The following DDX11 variants were observed in gnomAD, a reference collection of about 807,000 sequenced individuals.
The protein encoded by DDX11 is DEAD/H-box helicase 11, also known as ATP-dependent DNA helicase DDX11.
A neutral mutation model predicts 125.2 loss-of-function variants in DDX11; 72 were observed. The observed-to-expected ratio is 0.58, with a 90% CI of 0.48 to 0.70. The LOEUF (loss-of-function observed/expected upper bound fraction) is 0.70, where lower values mean the gene tolerates loss of function less well. Ranked by LOEUF, DDX11 falls within the 30% of genes least tolerant of loss-of-function variation. The pLI is 0.00. For synonymous variants in DDX11, 347 were observed against 452.6 expected, an observed-to-expected ratio of 0.77 and a Z score of 2.96; for missense variants, 883 against 1,165.0, an observed-to-expected ratio of 0.76 and a Z score of 3.52.
At chr12:31,088,934 G>A in intron 6 of DDX11, 110 bp from the exon 7 acceptor site, 1 of 863,592 alleles carries the variant, frequency 1.2e-6, no homozygotes, top group Non-Finnish European at 1.9e-6. Context: ...TGTGCATTGG[G>A]AGCCACTCCC....
At chr12:31,081,038 C>T (rs1180581129) in intron 2 of DDX11, among the ~76,000 whole-genome samples, 2 of 152,184 alleles carry the variant, frequency 1.3e-5, no homozygotes, top group Admixed American at 1.3e-4. Context: ...AGCCACTGTA[C>T]CTGACCCCTT....
chr12:31,077,954 A>G (rs1941023406), intron 1 of DDX11: 1 of 337,196 alleles, frequency 3.0e-6, no homozygotes. Context: ...GGACTTCACA[A>G]CGGGATAAAG....
chr12:31,104,166 C>T lies in DDX11; in HGVS notation c.*330C>T, dbSNP rs1946882907. On this transcript the variant is annotated 3_prime_UTR_variant, in exon 27 of 27. Coordinates refer to ENST00000542838, the MANE Select transcript of DDX11 (RefSeq NM_030653.4). Reference sequence around the variant, plus strand: ...CCGCAGGAGGCTGTGGCAGCTGTGGCATCCACTGTGGCATCTCCGTCCTGC... The same window carrying T: ...CCGCAGGAGGCTGTGGCAGCTGTGGTATCCACTGTGGCATCTCCGTCCTGC... 9.1e-6 allele frequency: 13 copies of T among 1,429,224 alleles called. No homozygotes were observed. The highest frequency in any genetic ancestry group is 1.5e-5 in the South Asian group (1 of 67,274). 88.5% of individuals were successfully genotyped at this position (1,429,224 alleles called of 1,614,324 possible). A position where few individuals can be genotyped will look rare whatever the true frequency, so the allele number is the denominator to read the frequency against.
At chr12:31,090,138 G>A (rs751894145) in intron 9 of DDX11, 44 bp downstream of exon 9, 67 of 1,547,032 alleles carry the variant, frequency 4.3e-5, no homozygotes, top group Non-Finnish European at 5.7e-5. Context: ...GACTCTCACT[G>A]TGGTCTAGGC....
chr12:31,080,457 C>T (rs1050816537), intron 2 of DDX11, among the ~76,000 whole-genome samples: 6 of 152,216 alleles, frequency 3.9e-5, no homozygotes, highest in Admixed American at 6.5e-5. Flanking sequence ...GCAGGGATTG[C>T]AACCTGAGAA....
chr12:31,095,596 C>G (rs565626402), intron 14 of DDX11, among the ~76,000 whole-genome samples: 5 of 152,330 alleles, frequency 3.3e-5, no homozygotes, highest in African/African-American at 1.2e-4. Context: ...GCCGCCATCC[C>G]TGCCAGACAG....
At chr12:31,084,711 G>A (rs1360300992) in intron 4 of DDX11, 42 bp downstream of exon 4, 3 of 1,553,220 alleles carry the variant, frequency 1.9e-6, no homozygotes, top group Non-Finnish European at 2.6e-6. Flanking sequence ...GTCCAGGCAG[G>A]GTTGCTCTGC....
In DDX11 at chr12:31,090,175, A is replaced by G. The variant is rs1358739336; in HGVS notation, c.1089+81A>G. The G allele has an allele frequency of 8.8e-6, 11 of 1,251,586 alleles. No individual in the cohort carries two copies. The East Asian group carries it at 1.3e-4, about 14-fold the overall frequency. 77.5% of individuals were successfully genotyped at this position (1,251,586 alleles called of 1,614,324 possible). On this transcript the variant is annotated intron_variant, in intron 9 of 26. Transcript: ENST00000542838. ...ATGAGGGGGGTCCTCATCACACTGT[A>G]GTTTGGGGGATGCCCCCCACCGTGG...
chr12:31,086,846 G>GA (rs1268326571), intron 5 of DDX11, among the ~76,000 whole-genome samples: 1 of 137,104 alleles, frequency 7.3e-6, no homozygotes, highest in Non-Finnish European at 1.5e-5. Flanking sequence ...AGCTCCTGCT[G>GA]GCTTTGTCCA....
intron 14 of DDX11, among the ~76,000 whole-genome samples, chr12:31,095,311 C>A: frequency 6.6e-6 from 1 of 152,218 alleles, no homozygotes. Flanking sequence ...CCCCCGGGTA[C>A]AGGGTTCTGC....
chr12:31,092,660 T>C (rs1944440624), intron 10 of DDX11, among the ~76,000 whole-genome samples, 186 bp from the exon 11 acceptor site: 1 of 152,182 alleles, frequency 6.6e-6, no homozygotes, highest in African/African-American at 2.4e-5. Flanking sequence ...CTTCCTTCCC[T>C]TTTCTCTTAG....
In DDX11 at chr12:31,102,282, G is replaced by A. The variant is rs752317707; in HGVS notation, c.2242G>A (p.Val748Met). 1.7e-5 allele frequency: 28 copies of A among 1,614,192 alleles called. 1 individual carries two copies. In the South Asian group the frequency reaches 2.0e-4, roughly 11 times the overall value. ...EPKSAHQVEQ[V>M]LLAYSRCIQA... ...TAAGAGCGCACACCAGGTGGAGCAG[G>A]TGCTGCTGGCATATTCCAGGTGCAT... Residue 748 changes from valine (V) to methionine (M), a missense_variant, in exon 22 of 27, where the codon GTG becomes ATG. Val to Met is a conservative substitution (Grantham distance 21, BLOSUM62 1). This residue lies in a region of DDX11 where 285 missense variants were observed against 346.0 expected (regional missense o/e 0.82). Coordinates refer to ENST00000542838, the MANE Select transcript of DDX11 (RefSeq NM_030653.4).
intron 2 of DDX11, among the ~76,000 whole-genome samples, chr12:31,081,474 C>T (rs1433815605): frequency 6.6e-6 from 1 of 152,014 alleles, no homozygotes; most frequent in Non-Finnish European, 1.5e-5. Context: ...GTTGAGTCAC[C>T]ATTACCACTT....
Position 31,103,355 on chromosome 12 carries a change from G to T in DDX11, c.2496G>T (p.Leu832=). 1 of 1,611,106 alleles carries T rather than the reference G, an allele frequency of 6.2e-7. No homozygotes were observed. The highest frequency in any genetic ancestry group is 8.5e-7 in the Non-Finnish European group (1 of 1,179,566). Residue 832 remains leucine, a synonymous_variant, in exon 25 of 27, where the codon CTG becomes CTT. Transcript: ENST00000542838. ...GCCAGGCACCCCCAGGGAAGGCTCT[G>T]GTGGAGAACCTGTGCATGAAGGCCG... ...APGQAPPGKA[L]VENLCMKAVN...
chr12:31,085,737 G>A (rs1369682416), intron 5 of DDX11, among the ~76,000 whole-genome samples: 1 of 152,238 alleles, frequency 6.6e-6, no homozygotes, highest in Non-Finnish European at 1.5e-5. Flanking sequence ...CTGAGTGTCT[G>A]CTCTGAGTAT....
At chr12:31,085,927 T>C in intron 5 of DDX11, 1 of 429,490 alleles carries the variant, frequency 2.3e-6, no homozygotes, top group Admixed American at 2.4e-5. Context: ...TCCTGTGACA[T>C]CCTGGCCACC....
rs1047957202 is a variant in DDX11 at position 31,074,063 on chromosome 12, G to C, written c.-33G>C. 25 of 152,414 alleles carry C rather than the reference G, an allele frequency of 1.6e-4. No individual in the cohort carries two copies. Among genetic ancestry groups the C allele is most frequent in the African/African-American group, 6.0e-4 (25 of 41,590 alleles). 9.4% of individuals were successfully genotyped at this position (152,414 alleles called of 1,614,324 possible). ...TGGTGAAATCGCAAACTGGGCGTCT[G>C]TTCCGGCGCCGGACCCCTATTTGCA... On this transcript the variant is annotated 5_prime_UTR_variant, in exon 1 of 27. Coordinates refer to ENST00000542838, the MANE Select transcript of DDX11 (RefSeq NM_030653.4).
intron 23 of DDX11, 117 bp downstream of exon 23, chr12:31,102,644 G>A (rs1196568727): frequency 8.7e-6 from 8 of 920,926 alleles, no homozygotes; most frequent in Admixed American, 2.0e-5. Context: ...GGCTGCGACT[G>A]CTCAGACCAG....
At chr12:31,093,703 A>G in intron 12 of DDX11, 1 of 190,142 alleles carries the variant, frequency 5.3e-6, no homozygotes, top group Non-Finnish European at 1.0e-5. Context: ...TCTGGGCGAC[A>G]GAGTGAGAAT....
Sources: gnomAD v4.1 joint callset for allele counts (sites outside exome capture counted in the v4.1 genomes callset) on GRCh38, gnomAD v4.1.1 for gene constraint, gnomAD v4.1.1 regional missense constraint, MANE v1.5 for transcripts, NCBI Gene and HGNC (gene_info 2026-07-23, HGNC 2026-07-21) for gene names.